Variants in STARD13 observed in about 807,000 individuals in gnomAD.
STARD13 encodes the protein StAR related lipid transfer domain containing 13, also known as stAR-related lipid transfer protein 13.
Under a neutral mutation model 106.4 loss-of-function variants are expected in STARD13, and 62 were observed. The ratio of observed to expected loss-of-function variants is 0.58; its 90% CI spans 0.48 to 0.72. The LOEUF (loss-of-function observed/expected upper bound fraction) is 0.72. Ranked by LOEUF, STARD13 falls within the 30% of genes least tolerant of loss-of-function variation. STARD13 has a pLI of 0.00. For synonymous variants in STARD13, 565 were observed against 553.0 expected, an observed-to-expected ratio of 1.02 and a Z score of -0.31; for missense variants, 1,387 against 1,424.0, an observed-to-expected ratio of 0.97 and a Z score of 0.42.
intron 1 of STARD13, among the ~76,000 whole-genome samples, chr13:33,239,619 T>C (rs1049663349): frequency 2.6e-5 from 4 of 152,208 alleles, no homozygotes; most frequent in African/African-American, 7.2e-5. Context: ...GTGGTTTTTA[T>C]TTGCATTTTC....
the STARD13 span, among the ~76,000 whole-genome samples, chr13:33,365,098 T>C: frequency 7.1e-6 from 1 of 140,164 alleles, no homozygotes; most frequent in Non-Finnish European, 1.6e-5. Flanking sequence ...CTTCCACACA[T>C]GTGAGATGAC....
At chr13:33,578,304 A>C in the STARD13 span, among the ~76,000 whole-genome samples, 3,360 of 152,168 alleles carry the variant, frequency 0.022, 114 homozygotes, top group African/African-American at 0.077. Flanking sequence ...AATATAGATA[A>C]ACAGATCAAT....
chr13:33,138,879 A>G (rs1339376925), intron 4 of STARD13: 1 of 476,080 alleles, frequency 2.1e-6, no homozygotes, highest in Non-Finnish European at 4.3e-6. Flanking sequence ...AAACAGTTAG[A>G]AACTGTATTG....
chr13:33,208,289 T>G (rs1161007389), intron 1 of STARD13, among the ~76,000 whole-genome samples: 1 of 151,960 alleles, frequency 6.6e-6, no homozygotes, highest in Non-Finnish European at 1.5e-5. Context: ...ATGGCGGGGT[T>G]GTAGCATGAG....
chr13:33,476,943 C>A, the STARD13 span, among the ~76,000 whole-genome samples: 1 of 152,130 alleles, frequency 6.6e-6, no homozygotes, highest in Admixed American at 6.6e-5. Flanking sequence ...TTTCGTGAGA[C>A]ACAGGGCCAG....
intron 3 of STARD13, among the ~76,000 whole-genome samples, chr13:33,159,868 T>C (rs1027193015): frequency 6.6e-6 from 1 of 152,208 alleles, no homozygotes; most frequent in African/African-American, 2.4e-5. Context: ...ACTGTGTTTA[T>C]TAACACAAAG....
the STARD13 span, among the ~76,000 whole-genome samples, chr13:33,424,848 C>A: frequency 6.6e-6 from 1 of 152,180 alleles, no homozygotes; most frequent in African/African-American, 2.4e-5. Context: ...TTTGAGAAAA[C>A]TTGCAATGTT....
At chr13:33,353,288 C>T (rs993871015), upstream of STARD13, among the ~76,000 whole-genome samples, 4 of 152,214 alleles carry the variant, frequency 2.6e-5, no homozygotes, top group African/African-American at 9.7e-5. Flanking sequence ...CTCCCTTCCT[C>T]AATGAACGTG....
At chr13:33,551,147 A>G in the STARD13 span, among the ~76,000 whole-genome samples, 43,061 of 152,134 alleles carry the variant, frequency 0.28, 6,855 homozygotes, top group East Asian at 0.44. Context: ...AGGGCATCAC[A>G]GGCAACCCGC....
At chr13:33,618,884 G>A in the STARD13 span, among the ~76,000 whole-genome samples, 1 of 151,950 alleles carries the variant, frequency 6.6e-6, no homozygotes, top group Non-Finnish European at 1.5e-5. Flanking sequence ...TCAGGGCAGG[G>A]TACTGAAAAG....
At chr13:33,293,076 C>T (rs1270734369) in intron 1 of STARD13, among the ~76,000 whole-genome samples, 3 of 152,308 alleles carry the variant, frequency 2.0e-5, no homozygotes, top group Non-Finnish European at 4.4e-5. Context: ...TCTCAGCCTC[C>T]AAGTATCAGC....
chr13:33,578,606 T>C, the STARD13 span, among the ~76,000 whole-genome samples: 1 of 151,852 alleles, frequency 6.6e-6, no homozygotes, highest in Non-Finnish European at 1.5e-5. Flanking sequence ...GAATTTATGA[T>C]TAAGACCCCA....
At chr13:33,190,881 G>A (rs965943705) in intron 1 of STARD13, among the ~76,000 whole-genome samples, 1 of 151,952 alleles carries the variant, frequency 6.6e-6, no homozygotes, top group Admixed American at 6.6e-5. Flanking sequence ...ACCGTACCCG[G>A]CCACTACACC....
chr13:33,185,803 G>A, intron 1 of STARD13: 1 of 1,459,056 alleles, frequency 6.9e-7, no homozygotes. Flanking sequence ...TGCCACTGAG[G>A]CCATGCAAGG....
the STARD13 span, among the ~76,000 whole-genome samples, chr13:33,670,553 T>A: frequency 6.6e-6 from 1 of 152,250 alleles, no homozygotes; most frequent in Non-Finnish European, 1.5e-5. Flanking sequence ...TAGGTCTAGG[T>A]AGCTTGAGCT....
At chr13:33,285,325 G>C in intron 1 of STARD13, 145 bp downstream of exon 1, 1 of 887,278 alleles carries the variant, frequency 1.1e-6, no homozygotes, top group South Asian at 1.8e-5. Context: ...GCAGCCTAAA[G>C]TTATTTTTCA....
the STARD13 span, among the ~76,000 whole-genome samples, chr13:33,382,629 A>G: frequency 6.6e-6 from 1 of 152,224 alleles, no homozygotes; most frequent in Non-Finnish European, 1.5e-5. Flanking sequence ...CTAAAAGGCC[A>G]TAATTTAAGA....
chr13:33,375,875 CTGAT>C, the STARD13 span, among the ~76,000 whole-genome samples: 1 of 152,066 alleles, frequency 6.6e-6, no homozygotes, highest in Non-Finnish European at 1.5e-5. Context: ...CCTGGTTTGG[CTGAT>C]TAAGTAATAT....
chr13:33,128,500 C>G (rs1214614769), intron 5 of STARD13, among the ~76,000 whole-genome samples: 1 of 152,118 alleles, frequency 6.6e-6, no homozygotes, highest in Non-Finnish European at 1.5e-5. Flanking sequence ...GAGTACACAT[C>G]TTAGGCCTCA....
Sources: gnomAD v4.1 joint callset for allele counts (sites outside exome capture counted in the v4.1 genomes callset) on GRCh38, gnomAD v4.1.1 for gene constraint, MANE v1.5 for transcripts, NCBI Gene and HGNC (gene_info 2026-07-23, HGNC 2026-07-21) for gene names.